PCDHGA2: variants seen among roughly 807,000 people sequenced by gnomAD.
PCDHGA2 encodes protocadherin gamma-A2.
PCDHGA2 carries 40 observed loss-of-function variants against 59.2 expected under a neutral mutation model. The ratio of observed to expected loss-of-function variants is 0.68; its 90% CI spans 0.52 to 0.88. PCDHGA2 has a LOEUF of 0.88. Among genes scored for constraint, PCDHGA2 ranks in the 40% least tolerant of loss-of-function variants. PCDHGA2 has a pLI of 0.00. For missense variants in PCDHGA2, 1,226 were observed against 1,204.0 expected (o/e 1.02, Z -0.27); for synonymous variants, 560 against 526.0 (o/e 1.06, Z -0.89).
At chr5:141,376,670 G>A in intron 1 of PCDHGA2, 1 of 694,802 alleles carries the variant, frequency 1.4e-6, no homozygotes, top group Non-Finnish European at 2.2e-6. Context: ...TTCAGGTGAG[G>A]GTATCGTTTT....
chr5:141,357,804 G>A (rs1465352721), intron 1 of PCDHGA2: 15 of 778,760 alleles, frequency 1.9e-5, no homozygotes, highest in Admixed American at 3.0e-5. Context: ...CAAAAATGTT[G>A]TTTATTACTT....
Position 141,485,263 on chromosome 5 carries a change from G to A in PCDHGA2, c.2425-9544G>A. 1 of 1,614,162 alleles carries A rather than the reference G, an allele frequency of 6.2e-7. No individual in the cohort carries two copies. On this transcript the variant is annotated intron_variant, in intron 1 of 3. Transcript: ENST00000394576. This position sits in a 1 kb window ranked among gnomAD's most constrained non-coding sequence, Gnocchi z 5.7. ...ACCACCTGGGTTACGTTTGTGGGCA[G>A]ATCCGCTACCCGGTCCCAGAGGAGT...
chr5:141,420,065 G>T, intron 1 of PCDHGA2: 1 of 1,614,018 alleles, frequency 6.2e-7, no homozygotes, highest in East Asian at 2.2e-5. Flanking sequence ...CTCCAAGTCC[G>T]GACCTGTGGG....
rs1001719735 is a variant in PCDHGA2 at position 141,512,055 on chromosome 5, TGAC to T, written c.*883_*885del. 10 of 152,698 alleles carry T rather than the reference TGAC, an allele frequency of 6.5e-5. No homozygotes were observed. The highest frequency in any genetic ancestry group is 1.4e-4 in the African/African-American group (6 of 41,450). 9.5% of individuals were successfully genotyped at this position (152,698 alleles called of 1,614,324 possible). On this transcript the variant is annotated 3_prime_UTR_variant, in exon 4 of 4. Coordinates refer to ENST00000394576, the MANE Select transcript of PCDHGA2 (RefSeq NM_018915.4). ...GAGGCTCTGTATGTCCTCAGGGGACTGACAACATCCTCCAGATTCCAGCCATAA... is the reference window on the plus strand; with the variant it reads ...GAGGCTCTGTATGTCCTCAGGGGACTAACATCCTCCAGATTCCAGCCATAA...
At chr5:141,419,686 G>A (rs551990092) in intron 1 of PCDHGA2, 2 of 1,612,760 alleles carry the variant, frequency 1.2e-6, no homozygotes, top group Non-Finnish European at 1.7e-6. Flanking sequence ...ACCACGTGGT[G>A]CAGGCCAGTG....
intron 1 of PCDHGA2, chr5:141,392,935 A>G: frequency 1.2e-6 from 2 of 1,613,932 alleles, no homozygotes; most frequent in Non-Finnish European, 1.7e-6. Flanking sequence ...GAGACGGACA[A>G]AGGCTCCTTC....
chr5:141,438,586 A>G (rs949534736), intron 1 of PCDHGA2, among the ~76,000 whole-genome samples: 2 of 56,254 alleles, frequency 3.6e-5, no homozygotes, highest in South Asian at 6.2e-4. Context: ...ATACATACAT[A>G]CATACATATA....
rs555568322 is a variant in PCDHGA2 at position 141,366,458 on chromosome 5, G to C, written c.2424+25063G>C. The C allele has an allele frequency of 1.2e-5, 20 of 1,614,092 alleles. No individual in the cohort carries two copies. In the East Asian group the frequency reaches 2.9e-4, roughly 23 times the overall value. ...CTGCGTCTTCCTGGCCTTCGTCATC[G>C]TGCTGCTGGTGCTCAGACTGAGGCG... On this transcript the variant is annotated intron_variant, in intron 1 of 3. Coordinates refer to ENST00000394576, the MANE Select transcript of PCDHGA2 (RefSeq NM_018915.4).
At chr5:141,404,107 T>C in intron 1 of PCDHGA2, 1 of 1,613,552 alleles carries the variant, frequency 6.2e-7, no homozygotes, top group Non-Finnish European at 8.5e-7. Flanking sequence ...TTGTCTGTTC[T>C]ATCCAGGAGA....
chr5:141,470,037 G>A lies in PCDHGA2; in HGVS notation c.2425-24770G>A, dbSNP rs76537989. Among the ~76,000 whole-genome samples the A allele has an allele frequency of 2.3e-3, 347 of 152,258 alleles. 6 individuals are homozygous for A. The East Asian group carries it at 0.048, about 21-fold the overall frequency. On this transcript the variant is annotated intron_variant, in intron 1 of 3. Transcript: ENST00000394576. ...CCAGCTACTCGGGATGCTGAGGCGC[G>A]AGAACTGTTTGAACCCCGGAGGCAG...
At position 141,415,772 on chromosome 5, in the gene PCDHGA2, T is replaced by A. The variant is rs540545854; in HGVS notation, c.2424+74377T>A. On this transcript the variant is annotated intron_variant, in intron 1 of 3. Coordinates refer to ENST00000394576, the MANE Select transcript of PCDHGA2 (RefSeq NM_018915.4). ...TTTTTTTTTTTTTTTTTTTTTTTTT[T>A]ACTTTCTGGTAAAATTCACCTAGTC... is the stretch of plus-strand genomic sequence containing the variant. 5,409 of 1,336,512 alleles carry A rather than the reference T, an allele frequency of 4.0e-3. 27 individuals carry two copies. The highest frequency in any genetic ancestry group is 7.3e-3 in the Admixed American group (200 of 27,462). 82.8% of individuals were successfully genotyped at this position (1,336,512 alleles called of 1,614,324 possible).
intron 1 of PCDHGA2, among the ~76,000 whole-genome samples, chr5:141,482,944 G>A (rs1362136222): frequency 6.6e-6 from 1 of 152,094 alleles, no homozygotes; most frequent in Non-Finnish European, 1.5e-5. Context: ...GTGGTTGTGG[G>A]TGCCTGTAAT....
chr5:141,343,244 C>T (rs1402008696), intron 1 of PCDHGA2: 20 of 919,146 alleles, frequency 2.2e-5, no homozygotes, highest in Non-Finnish European at 2.6e-5. Context: ...CAACAAATAT[C>T]GAAACTAAGT....
At chr5:141,492,495 G>A (rs750427038) in intron 1 of PCDHGA2, among the ~76,000 whole-genome samples, 65 of 152,186 alleles carry the variant, frequency 4.3e-4, no homozygotes, top group Non-Finnish European at 6.0e-4. Context: ...ACCAGGCGAG[G>A]ACTCCGGAGC....
chr5:141,446,075 A>G (rs907731619), intron 1 of PCDHGA2, among the ~76,000 whole-genome samples: 1 of 152,216 alleles, frequency 6.6e-6, no homozygotes, highest in Admixed American at 6.5e-5. Context: ...GAGGCAGTGG[A>G]TGTAGAAATA....
At chr5:141,399,816 G>T (rs1399321740) in intron 1 of PCDHGA2, 1 of 1,613,196 alleles carries the variant, frequency 6.2e-7, no homozygotes, top group Non-Finnish European at 8.5e-7. Flanking sequence ...ACCCCGCGCT[G>T]GGTCCCGACG....
At chr5:141,359,201 G>A (rs908538216) in intron 1 of PCDHGA2, among the ~76,000 whole-genome samples, 2 of 152,124 alleles carry the variant, frequency 1.3e-5, no homozygotes, top group African/African-American at 4.8e-5. Flanking sequence ...ACAAGTGAAT[G>A]TTGAGAGACA....
intron 2 of PCDHGA2, among the ~76,000 whole-genome samples, chr5:141,500,187 TA>T (rs56304898): frequency 0.051 from 5,679 of 110,700 alleles, 126 homozygotes; most frequent in Middle Eastern, 0.14. Flanking sequence ...TTTTTATTTT[TA>T]TTTATTTATT....
At chr5:141,409,464 C>A in intron 1 of PCDHGA2, 1 of 1,613,940 alleles carries the variant, frequency 6.2e-7, no homozygotes, top group South Asian at 1.1e-5. Context: ...TACAATGTCA[C>A]CATCGTAGCC....
Sources: allele counts gnomAD v4.1 joint callset (sites outside exome capture counted in the v4.1 genomes callset), GRCh38; gene constraint gnomAD v4.1.1; non-coding constraint Gnocchi (gnomAD v3.1); transcripts MANE v1.5; gene names NCBI Gene and HGNC (gene_info 2026-07-23, HGNC 2026-07-21).